The following SLC35F4 variants were observed in gnomAD, a reference collection of about 807,000 sequenced individuals.
The protein encoded by SLC35F4 is chromosome 14 open reading frame 36.
A neutral mutation model predicts 44.2 loss-of-function variants in SLC35F4; 24 were observed. That is an observed-to-expected ratio of 0.54 (90% CI 0.39 to 0.76). The LOEUF (loss-of-function observed/expected upper bound fraction) is 0.76, where lower values mean the gene tolerates loss of function less well. Among genes scored for constraint, SLC35F4 ranks in the 30% least tolerant of loss-of-function variants. SLC35F4 has a pLI of 0.00. For synonymous variants in SLC35F4, 238 were observed against 223.6 expected (o/e 1.06, Z -0.57); for missense variants, 562 against 586.1 (o/e 0.96, Z 0.42).
chr14:57,865,264 G>A (rs1888044905), intron 1 of SLC35F4, among the ~76,000 whole-genome samples: 1 of 152,192 alleles, frequency 6.6e-6, no homozygotes, highest in East Asian at 1.9e-4. Context: ...CGTCTGGGTC[G>A]GCCGCCCCCG....
At chr14:57,782,395 A>G (rs760569865) in intron 1 of SLC35F4, among the ~76,000 whole-genome samples, 13 of 152,126 alleles carry the variant, frequency 8.5e-5, no homozygotes, top group Non-Finnish European at 1.9e-4. Context: ...AAAAAGAAAA[A>G]GGCATGTCAT....
At chr14:57,659,467 A>G (rs1426714286) in intron 1 of SLC35F4, among the ~76,000 whole-genome samples, 1 of 152,168 alleles carries the variant, frequency 6.6e-6, no homozygotes, top group Admixed American at 6.6e-5. Context: ...AGAATTAAAT[A>G]GAAATAGAAA....
At chr14:57,674,254 C>T (rs2074615364) in intron 1 of SLC35F4, among the ~76,000 whole-genome samples, 1 of 152,070 alleles carries the variant, frequency 6.6e-6, no homozygotes. Context: ...ACATCTCATA[C>T]ATATTGGTAG....
intron 1 of SLC35F4, among the ~76,000 whole-genome samples, chr14:57,907,636 G>C (rs1245642984): frequency 1.3e-5 from 2 of 151,930 alleles, no homozygotes; most frequent in Non-Finnish European, 2.9e-5. Context: ...GAACTGTTTG[G>C]AAACAGTTCT....
At chr14:57,691,103 C>T (rs141419246) in intron 1 of SLC35F4, among the ~76,000 whole-genome samples, 113 of 151,990 alleles carry the variant, frequency 7.4e-4, no homozygotes, top group Non-Finnish European at 1.4e-3. Context: ...TAAATGAGGT[C>T]ATGGCACAGT....
intron 1 of SLC35F4, among the ~76,000 whole-genome samples, chr14:57,755,313 C>G (rs930890603): frequency 1.6e-4 from 24 of 152,104 alleles, no homozygotes; most frequent in African/African-American, 5.8e-4. Flanking sequence ...ATCTGAGAAC[C>G]CTGGCACTCT....
intron 1 of SLC35F4, among the ~76,000 whole-genome samples, chr14:57,903,267 G>A (rs1198212844): frequency 6.6e-6 from 1 of 152,308 alleles, no homozygotes; most frequent in South Asian, 2.1e-4. Flanking sequence ...GGGATCAACA[G>A]ATGGAAAATT....
intron 1 of SLC35F4, among the ~76,000 whole-genome samples, chr14:57,751,729 T>C (rs1175566373): frequency 6.6e-6 from 1 of 152,172 alleles, no homozygotes; most frequent in Non-Finnish European, 1.5e-5. Flanking sequence ...AGAACATTAG[T>C]TCTCAAAAAT....
intron 1 of SLC35F4, among the ~76,000 whole-genome samples, chr14:57,883,770 A>C (rs1439051631): frequency 2.6e-5 from 4 of 152,140 alleles, no homozygotes; most frequent in Admixed American, 1.3e-4. Flanking sequence ...AGAGATGAAA[A>C]TCAGATTTGT....
chr14:57,828,444 G>A, intron 1 of SLC35F4, among the ~76,000 whole-genome samples: 1 of 152,154 alleles, frequency 6.6e-6, no homozygotes, highest in South Asian at 2.1e-4. Flanking sequence ...AAATTCTCAT[G>A]TGATAGAAAA....
intron 1 of SLC35F4, among the ~76,000 whole-genome samples, chr14:57,826,732 T>C (rs955024994): frequency 6.6e-6 from 1 of 151,352 alleles, no homozygotes; most frequent in African/African-American, 2.4e-5. Flanking sequence ...AAGACATACA[T>C]GTGGCCAGCA....
At chr14:57,644,701 T>C (rs370679252) in intron 1 of SLC35F4, among the ~76,000 whole-genome samples, 2 of 152,086 alleles carry the variant, frequency 1.3e-5, no homozygotes, top group African/African-American at 2.4e-5. Flanking sequence ...TGCCTATGTC[T>C]TGAATGGTAT....
At chr14:57,788,157 A>T (rs1431422774) in intron 1 of SLC35F4, among the ~76,000 whole-genome samples, 1 of 152,246 alleles carries the variant, frequency 6.6e-6, no homozygotes, top group Non-Finnish European at 1.5e-5. Context: ...AACAGCAGTT[A>T]AAAGAGACAA....
chr14:57,634,447 T>G (rs2072929774), intron 1 of SLC35F4, among the ~76,000 whole-genome samples: 1 of 152,122 alleles, frequency 6.6e-6, no homozygotes. Flanking sequence ...TTCATGGTGC[T>G]TCAGAGTGTG....
chr14:57,756,793 C>G (rs561868718), intron 1 of SLC35F4, among the ~76,000 whole-genome samples: 1 of 151,566 alleles, frequency 6.6e-6, no homozygotes, highest in Non-Finnish European at 1.5e-5. Flanking sequence ...TAGTTGGGAC[C>G]GCAGGCATGC....
At chr14:57,846,930 C>G (rs1446092613) in intron 1 of SLC35F4, among the ~76,000 whole-genome samples, 1 of 152,210 alleles carries the variant, frequency 6.6e-6, no homozygotes, top group East Asian at 1.9e-4. Context: ...AGGAAAGCGA[C>G]AGATTATCCA....
chr14:57,604,712 C>T (rs1478453882), intron 1 of SLC35F4, among the ~76,000 whole-genome samples: 1 of 152,148 alleles, frequency 6.6e-6, no homozygotes, highest in Non-Finnish European at 1.5e-5. Flanking sequence ...ACTAATGCTA[C>T]AAGGCTACAG....
chr14:57,936,073 C>T (rs1889789327), intron 1 of SLC35F4, among the ~76,000 whole-genome samples: 2 of 152,108 alleles, frequency 1.3e-5, no homozygotes, highest in Non-Finnish European at 2.9e-5. Context: ...TCAATTTAAG[C>T]CTTCTCATTT....
chr14:57,866,512 T>G (rs186766760), upstream of SLC35F4, among the ~76,000 whole-genome samples: 1 of 152,212 alleles, frequency 6.6e-6, no homozygotes, highest in East Asian at 1.9e-4. Flanking sequence ...ACAAGAAAAT[T>G]AGTTCCCGGC....
Sources: allele counts gnomAD v4.1 joint callset (sites outside exome capture counted in the v4.1 genomes callset), GRCh38; gene constraint gnomAD v4.1.1; transcripts MANE v1.5; gene names NCBI Gene and HGNC (gene_info 2026-07-23, HGNC 2026-07-21).